Variants in MEI4 observed in about 807,000 individuals in gnomAD.
MEI4 encodes meiotic double-stranded break formation protein 4.
Under a neutral mutation model 31.4 loss-of-function variants are expected in MEI4, and 27 were observed. The observed-to-expected ratio is 0.86, with a 90% CI of 0.63 to 1.19. MEI4 has a LOEUF of 1.19. Ranked by LOEUF, MEI4 falls within the 50% of genes most tolerant of loss-of-function variation. MEI4 has a pLI of 0.00. For missense variants in MEI4, 329 were observed against 398.9 expected (o/e 0.82, Z 1.49); for synonymous variants, 122 against 145.4 (o/e 0.84, Z 1.16).
chr6:77,661,966 A>G (rs1208601448), intron 1 of MEI4, among the ~76,000 whole-genome samples: 1 of 152,116 alleles, frequency 6.6e-6, no homozygotes, highest in East Asian at 1.9e-4. Flanking sequence ...CCTTGCAGTG[A>G]ATGACCCCAG....
intron 3 of MEI4, among the ~76,000 whole-genome samples, chr6:77,822,612 A>C (rs1430668366): frequency 1.2e-4 from 17 of 138,726 alleles, no homozygotes; most frequent in South Asian, 7.3e-4. Context: ...GCATTTGGAT[A>C]CCCCCCCCCC....
intron 4 of MEI4, among the ~76,000 whole-genome samples, chr6:77,879,134 A>C (rs1771416803): frequency 1.3e-5 from 2 of 152,168 alleles, no homozygotes; most frequent in Admixed American, 6.5e-5. Context: ...TAAAATGTAT[A>C]TGTATAGTTA....
At position 77,879,026 on chromosome 6, in the gene MEI4, A is replaced by G. The variant is rs1316167419; in HGVS notation, c.901-44063A>G. On this transcript the variant is annotated intron_variant, in intron 4 of 4. Coordinates refer to ENST00000684080, the MANE Select transcript of MEI4 (RefSeq NM_001322247.2). The stretch of plus-strand genomic sequence containing the variant: ...CCAATTTTTTTCAATGTTGCTGAGA[A>G]ATAGAATCATTAAGGAGACCAGATA... 2.6e-5 allele frequency among the ~76,000 whole-genome samples: 4 copies of G among 152,168 alleles called. No individual in the cohort carries two copies. The East Asian group carries it at 7.7e-4, about 29-fold the overall frequency.
At chr6:77,755,082 G>T (rs192018901) in intron 2 of MEI4, among the ~76,000 whole-genome samples, 1 of 152,078 alleles carries the variant, frequency 6.6e-6, no homozygotes, top group Non-Finnish European at 1.5e-5. Flanking sequence ...TGTAATTCCC[G>T]TGATTTGGGA....
intron 1 of MEI4, among the ~76,000 whole-genome samples, chr6:77,665,372 C>A (rs576076773): frequency 6.6e-6 from 1 of 151,292 alleles, no homozygotes; most frequent in Non-Finnish European, 1.5e-5. Context: ...CGGGACTTGC[C>A]GCTAAGGGTG....
chr6:77,832,084 T>C (rs890460186), intron 4 of MEI4, among the ~76,000 whole-genome samples: 2 of 151,992 alleles, frequency 1.3e-5, no homozygotes, highest in Admixed American at 1.3e-4. Flanking sequence ...AAAATATCCA[T>C]TTAAATTCTG....
At chr6:77,778,019 A>G (rs570215072) in intron 3 of MEI4, among the ~76,000 whole-genome samples, 91 of 152,056 alleles carry the variant, frequency 6.0e-4, no homozygotes, top group Admixed American at 1.0e-3. Context: ...CCAAAATGGA[A>G]AAGATACATA....
intron 4 of MEI4, among the ~76,000 whole-genome samples, chr6:77,902,891 C>T (rs1301735201): frequency 6.6e-6 from 1 of 152,116 alleles, no homozygotes; most frequent in Non-Finnish European, 1.5e-5. Context: ...TGTGTTCTGA[C>T]CACCTCGGGC....
chr6:77,761,759 G>C, intron 3 of MEI4, 94 bp downstream of exon 3: 1 of 868,506 alleles, frequency 1.2e-6, no homozygotes, highest in Non-Finnish European at 1.5e-6. Context: ...TAGCCTTGTG[G>C]CTCAAGGAAT....
chr6:77,710,520 C>CAAA lies in MEI4; in HGVS notation c.232+19637_232+19639dup, dbSNP rs1198470708. ...CTGGTGACAGAGCAAGACTCCATCT[C>CAAA]AAAAAAAAAAAAAAAAAAAAAAGAA... On this transcript the variant is annotated intron_variant, in intron 2 of 4. Transcript: ENST00000684080. Among the ~76,000 whole-genome samples the CAAA allele has an allele frequency of 8.4e-3, 485 of 57,610 alleles. 13 individuals are homozygous for CAAA. The highest frequency in any genetic ancestry group is 0.029 in the African/African-American group (373 of 12,824). The allele number at this position is 57,610 out of a possible 152,430, so 37.8% of individuals were successfully genotyped here.
At chr6:77,774,315 AAGT>A (rs2127687620) in intron 3 of MEI4, among the ~76,000 whole-genome samples, 1 of 152,192 alleles carries the variant, frequency 6.6e-6, no homozygotes, top group South Asian at 2.1e-4. Context: ...ACACAGAATG[AAGT>A]AGTAGTCAGC....
intron 3 of MEI4, among the ~76,000 whole-genome samples, chr6:77,766,675 G>A (rs1768184635): frequency 6.6e-6 from 1 of 152,142 alleles, no homozygotes; most frequent in African/African-American, 2.4e-5. Context: ...GCCTCCCAAA[G>A]TGCTGGGATT....
At position 77,759,681 on chromosome 6, in the gene MEI4, A is replaced by G. The variant is rs9448206; in HGVS notation, c.233-1449A>G. 7.0e-3 allele frequency among the ~76,000 whole-genome samples: 1,058 copies of G among 152,196 alleles called. 13 individuals carry two copies. Among genetic ancestry groups the G allele is most frequent in the African/African-American group, 0.024 (998 of 41,528 alleles). ...GCTGGTCTCCAGATTACATATTGAT[A>G]TTTTGTGTTTATTTTCCCAGTCAGT... On this transcript the variant is annotated intron_variant, in intron 2 of 4. Transcript: ENST00000684080.
chr6:77,835,804 A>G (rs1048813072), intron 4 of MEI4, among the ~76,000 whole-genome samples: 6 of 152,118 alleles, frequency 3.9e-5, no homozygotes, highest in Non-Finnish European at 8.8e-5. Flanking sequence ...TGGTGTATCT[A>G]AAATGAGTAT....
At chr6:77,834,533 C>T (rs932304701) in intron 4 of MEI4, among the ~76,000 whole-genome samples, 2 of 151,202 alleles carry the variant, frequency 1.3e-5, no homozygotes, top group African/African-American at 4.8e-5. Context: ...GGGGTCTGTT[C>T]CTGCAGACCC....
At chr6:77,782,583 G>A (rs1443614109) in intron 3 of MEI4, among the ~76,000 whole-genome samples, 1 of 152,064 alleles carries the variant, frequency 6.6e-6, no homozygotes, top group Non-Finnish European at 1.5e-5. Context: ...TTTTCATAAG[G>A]GAAAAGGTCT....
intron 3 of MEI4, among the ~76,000 whole-genome samples, chr6:77,793,497 T>C (rs1768994187): frequency 6.6e-6 from 1 of 152,146 alleles, no homozygotes; most frequent in South Asian, 2.1e-4. Flanking sequence ...AGCAGAAAAC[T>C]CTAATATTGT....
chr6:77,730,733 C>T (rs900051351), intron 2 of MEI4, among the ~76,000 whole-genome samples: 3 of 151,710 alleles, frequency 2.0e-5, no homozygotes, highest in South Asian at 2.1e-4. Flanking sequence ...CCCACTAACT[C>T]GTCATCTAGC....
chr6:77,696,345 T>C (rs558720239), intron 2 of MEI4, among the ~76,000 whole-genome samples: 2 of 152,288 alleles, frequency 1.3e-5, no homozygotes, highest in Non-Finnish European at 1.5e-5. Flanking sequence ...CTTGTGCCAG[T>C]TTTCAAAGGG....
Sources: gnomAD v4.1 joint callset for allele counts (sites outside exome capture counted in the v4.1 genomes callset) on GRCh38, gnomAD v4.1.1 for gene constraint, MANE v1.5 for transcripts, NCBI Gene and HGNC (gene_info 2026-07-23, HGNC 2026-07-21) for gene names.